The following CAPN1 variants were observed in gnomAD, a reference collection of about 807,000 sequenced individuals.
CAPN1 encodes the protein calpain-1 catalytic subunit.
A neutral mutation model predicts 105.2 loss-of-function variants in CAPN1; 77 were observed. The observed-to-expected ratio is 0.73, with a 90% CI of 0.61 to 0.88. The LOEUF is 0.88. Ranked by LOEUF, CAPN1 falls within the 40% of genes least tolerant of loss-of-function variation. The pLI, the probability that CAPN1 is intolerant of heterozygous loss-of-function variation, is 0.00. For synonymous variants in CAPN1, 355 were observed against 388.8 expected, an observed-to-expected ratio of 0.91 and a Z score of 1.02; for missense variants, 833 against 976.6, an observed-to-expected ratio of 0.85 and a Z score of 1.96.
At position 65,209,100 on chromosome 11, in the gene CAPN1, T is replaced by C; in HGVS notation, c.1730-223T>C. ...TCTTCTGTTTCACACTCATTTCTTT[T>C]TACTTTGGACTAATTGTGGCTGTTG... On this transcript the variant is annotated intron_variant, in intron 16 of 21. Transcript: ENST00000279247. This position sits in a 1 kb window ranked among gnomAD's most constrained non-coding sequence, Gnocchi z 4.1. 1.7e-6 allele frequency: 1 copy of C among 586,934 alleles called. No individual in the cohort carries two copies. Among genetic ancestry groups the C allele is most frequent in the Non-Finnish European group, 3.1e-6 (1 of 327,082 alleles). The allele number at this position is 586,934 out of a possible 1,614,324, so 36.4% of individuals were successfully genotyped here.
chr11:65,210,559 G>A lies in CAPN1; in HGVS notation c.2059+107G>A, dbSNP rs1949032791. Reference sequence around the variant, plus strand: ...GAATTAGCAGATACAGGCCAGTGCTGTGGGTGTGTGCCAGAGAGGCCTGGG... The same window carrying A: ...GAATTAGCAGATACAGGCCAGTGCTATGGGTGTGTGCCAGAGAGGCCTGGG... On this transcript the variant is annotated intron_variant, in intron 20 of 21. Transcript: ENST00000279247. This position sits in a 1 kb window ranked among gnomAD's most constrained non-coding sequence, Gnocchi z 4.3. 1.3e-6 allele frequency: 1 copy of A among 775,906 alleles called. No homozygotes were observed. Among genetic ancestry groups the A allele is most frequent in the Admixed American group, 2.0e-5 (1 of 49,208 alleles). 48.1% of individuals were successfully genotyped at this position (775,906 alleles called of 1,614,324 possible).
In CAPN1 at chr11:65,205,740, C is replaced by T. The variant is rs1196878216; in HGVS notation, c.1353+19C>T. ...TCCGGAGGTAGGTGTGGCACCATGA[C>T]CCACCTGCAGTCACACACCCCTGAT... On this transcript the variant is annotated intron_variant, in intron 12 of 21. Transcript: ENST00000279247. 1.9e-6 allele frequency: 3 copies of T among 1,612,356 alleles called. No individual in the cohort carries two copies. The highest frequency in any genetic ancestry group is 2.5e-6 in the Non-Finnish European group (3 of 1,178,478).
rs1425054148 is a variant in CAPN1, at chr11:65,208,070, G to A, written c.1621G>A (p.Glu541Lys). 2 of 1,601,766 alleles carry A rather than the reference G, an allele frequency of 1.2e-6. No individual in the cohort carries two copies. The highest frequency in any genetic ancestry group is 1.1e-5 in the South Asian group (1 of 88,686). ...NLPDEQVLSE[E>K]EIDENFKALF... ...CTCGGTCCAGCAAGTGCTCTCAGAA[G>A]AGGAGATTGACGAGAACTTCAAGGC... The change falls in exon 15 of 22, where the codon GAG becomes AAG. Residue 541 changes from glutamate (E) to lysine (K), a missense_variant. Physicochemically the swap from Glu to Lys is moderately conservative, Grantham distance 56. Transcript: ENST00000279247. The surrounding 1 kb of genome is among the most constrained non-coding windows in gnomAD (Gnocchi z 4.1).
chr11:65,197,525 T>G (rs1483843514), intron 10 of CAPN1, among the ~76,000 whole-genome samples: 2 of 152,190 alleles, frequency 1.3e-5, no homozygotes, highest in African/African-American at 4.8e-5. Flanking sequence ...ATGTCCAATC[T>G]TTCTATAGCC....
intron 12 of CAPN1, chr11:65,206,239 G>A: frequency 3.4e-6 from 2 of 591,918 alleles, no homozygotes; most frequent in South Asian, 2.0e-5. Context: ...GCAATCCGGT[G>A]CTCCTCTCCT....
chr11:65,209,145 A>G lies in CAPN1; in HGVS notation c.1730-178A>G, dbSNP rs1187554037. ...CTGTTGGGACTTTGGCTTGATTGCT[A>G]AAATACTTTACTTGTACTTCCTGAT... On this transcript the variant is annotated intron_variant, in intron 16 of 21. Coordinates refer to ENST00000279247, the MANE Select transcript of CAPN1 (RefSeq NM_005186.4). This position sits in a 1 kb window ranked among gnomAD's most constrained non-coding sequence, Gnocchi z 4.1. 1.6e-6 allele frequency: 1 copy of G among 611,666 alleles called. No individual in the cohort carries two copies. Among genetic ancestry groups the G allele is most frequent in the Non-Finnish European group, 3.0e-6 (1 of 337,534 alleles). The allele number at this position is 611,666 out of a possible 1,614,324, so 37.9% of individuals were successfully genotyped here.
chr11:65,209,276 G>C lies in CAPN1; in HGVS notation c.1730-47G>C. The stretch of plus-strand genomic sequence containing the variant: ...CCCAGTGCTCCCAGCAGGGGCAGGT[G>C]CAGGAAGCTCACTAGGTGGAGATGT... On this transcript the variant is annotated intron_variant, in intron 16 of 21. Transcript: ENST00000279247. This position sits in a 1 kb window ranked among gnomAD's most constrained non-coding sequence, Gnocchi z 4.1. The C allele has an allele frequency of 6.5e-7, 1 of 1,528,338 alleles. No homozygotes were observed. The highest frequency in any genetic ancestry group is 1.1e-5 in the South Asian group (1 of 87,596). The allele number at this position is 1,528,338 out of a possible 1,614,324, so 94.7% of individuals were successfully genotyped here.
rs552704303 is a variant in CAPN1, at chr11:65,188,521, C to T, written c.1004+33C>T. 6.2e-7 allele frequency: 1 copy of T among 1,612,762 alleles called. No homozygotes were observed. Among genetic ancestry groups the T allele is most frequent in the African/African-American group, 1.3e-5 (1 of 75,018 alleles). On this transcript the variant is annotated intron_variant, in intron 9 of 21. Transcript: ENST00000279247. This position sits in a 1 kb window ranked among gnomAD's most constrained non-coding sequence, Gnocchi z 5.5. Reference sequence around the variant, plus strand: ...CCCCCTCCCCTTCTACCCCACCTCTCCACCCCTACACATCAGCTCTGTGCC... The same window carrying T: ...CCCCCTCCCCTTCTACCCCACCTCTTCACCCCTACACATCAGCTCTGTGCC...
chr11:65,192,527 T>A (rs1170001526), intron 10 of CAPN1, among the ~76,000 whole-genome samples: 2 of 152,234 alleles, frequency 1.3e-5, no homozygotes, highest in Non-Finnish European at 2.9e-5. Context: ...GTATGAAGAT[T>A]AATGATATTC....
At chr11:65,187,907 A>G in intron 7 of CAPN1, 48 bp from the exon 8 acceptor site, 1 of 1,394,614 alleles carries the variant, frequency 7.2e-7, no homozygotes, top group Non-Finnish European at 9.9e-7. Flanking sequence ...AGAAAAAAAA[A>G]AAAAGTGCCT....
chr11:65,210,512 C>A lies in CAPN1; in HGVS notation c.2059+60C>A. Reference sequence around the variant, plus strand: ...CCGTCCCAAACGCGTCCCCCAGGAGCTGGGGGGAATGACAGATGGGTGAAT... The same window carrying A: ...CCGTCCCAAACGCGTCCCCCAGGAGATGGGGGGAATGACAGATGGGTGAAT... On this transcript the variant is annotated intron_variant, in intron 20 of 21. Coordinates refer to ENST00000279247, the MANE Select transcript of CAPN1 (RefSeq NM_005186.4). The surrounding 1 kb of genome is among the most constrained non-coding windows in gnomAD (Gnocchi z 4.3). 9.7e-7 allele frequency: 1 copy of A among 1,027,184 alleles called. No homozygotes were observed. Among genetic ancestry groups the A allele is most frequent in the Non-Finnish European group, 1.5e-6 (1 of 663,956 alleles). 63.6% of individuals were successfully genotyped at this position (1,027,184 alleles called of 1,614,324 possible).
At position 65,210,431 on chromosome 11, in the gene CAPN1, G is replaced by T; in HGVS notation, c.2038G>T (p.Val680Leu). The T allele has an allele frequency of 6.2e-7, 1 of 1,611,114 alleles. No individual in the cohort carries two copies. Among genetic ancestry groups the T allele is most frequent in the South Asian group, 1.1e-5 (1 of 90,748 alleles). The change falls in exon 20 of 22, where the codon GTG becomes TTG. Residue 680 changes from valine to leucine, a missense_variant. By Grantham distance (32) the Val-to-Leu change is conservative. Coordinates refer to ENST00000279247, the MANE Select transcript of CAPN1 (RefSeq NM_005186.4). This position sits in a 1 kb window ranked among gnomAD's most constrained non-coding sequence, Gnocchi z 4.3. Reference sequence around the variant, plus strand: ...CTTTGACAATTTCGTTTGCTGCCTGGTGCGGCTAGAGACCATGTTCCGTGA... The same window carrying T: ...CTTTGACAATTTCGTTTGCTGCCTGTTGCGGCTAGAGACCATGTTCCGTGA... Reference protein sequence around the residue: ...VDFDNFVCCLVRLETMFRFFK... With the variant: ...VDFDNFVCCLLRLETMFRFFK...
chr11:65,209,651 C>T lies in CAPN1; in HGVS notation c.1795-198C>T, dbSNP rs1009785302. ...GGCTGGTGCTATTTCTGACCCCTCC[C>T]CAGCCCACTCCACTGCAGCCCAGCT... On this transcript the variant is annotated intron_variant, in intron 17 of 21. Coordinates refer to ENST00000279247, the MANE Select transcript of CAPN1 (RefSeq NM_005186.4). The surrounding 1 kb of genome is among the most constrained non-coding windows in gnomAD (Gnocchi z 4.1). 17 of 648,980 alleles carry T rather than the reference C, an allele frequency of 2.6e-5. No homozygotes were observed. The East Asian group carries it at 4.6e-4, about 18-fold the overall frequency. The allele number at this position is 648,980 out of a possible 1,614,324, so 40.2% of individuals were successfully genotyped here. A position where few individuals can be genotyped will look rare whatever the true frequency, so the allele number is the denominator to read the frequency against.
At chr11:65,200,845 C>T (rs969513774) in intron 10 of CAPN1, among the ~76,000 whole-genome samples, 9 of 145,660 alleles carry the variant, frequency 6.2e-5, no homozygotes, top group Non-Finnish European at 1.2e-4. Flanking sequence ...GTTGGCTAGG[C>T]TGGTGTTGAA....
intron 7 of CAPN1, 56 bp from the exon 8 acceptor site, chr11:65,187,898 GA>G (rs111241548): frequency 0.051 from 51,475 of 1,017,210 alleles, 341 homozygotes; most frequent in African/African-American, 0.14. Flanking sequence ...TCTCAAAAAA[GA>G]AAAAAAAAAA....
intron 14 of CAPN1, 62 bp from the exon 15 acceptor site, chr11:65,207,993 G>C: frequency 1.5e-6 from 2 of 1,312,422 alleles, no homozygotes; most frequent in Non-Finnish European, 1.1e-6. Context: ...CCTCCCTCCA[G>C]CTGCCTCCAC....
chr11:65,206,947 T>C lies in CAPN1; in HGVS notation c.1605+128T>C, dbSNP rs551406058. On this transcript the variant is annotated intron_variant, in intron 14 of 21. Coordinates refer to ENST00000279247, the MANE Select transcript of CAPN1 (RefSeq NM_005186.4). Reference sequence around the variant, plus strand: ...GAAGATCCCCTCCTGGTGGAAGCCATAGGAGTAGTGCTAATCCCTCATCCG... The same window carrying C: ...GAAGATCCCCTCCTGGTGGAAGCCACAGGAGTAGTGCTAATCCCTCATCCG... 9.0e-4 allele frequency: 752 copies of C among 839,762 alleles called. 1 individual carries two copies. The highest frequency in any genetic ancestry group is 1.2e-3 in the Non-Finnish European group (661 of 536,346). 52.0% of individuals were successfully genotyped at this position (839,762 alleles called of 1,614,324 possible).
intron 10 of CAPN1, among the ~76,000 whole-genome samples, chr11:65,193,637 T>C (rs1948750318): frequency 8.1e-6 from 1 of 124,080 alleles, no homozygotes; most frequent in Non-Finnish European, 1.8e-5. Flanking sequence ...AGAGCGAGAC[T>C]CTGTCTCAAA....
At position 65,204,784 on chromosome 11, in the gene CAPN1, C is replaced by T; in HGVS notation, c.1267C>T (p.Leu423Phe). Residue 423 changes from leucine (L) to phenylalanine (F), a missense_variant, in exon 11 of 22, where the codon CTT becomes TTT. By Grantham distance (22) the Leu-to-Phe change is conservative. Transcript: ENST00000279247. ...RESGCSFVLALMQKHRRRERR... is the reference protein window; with the variant it reads ...RESGCSFVLAFMQKHRRRERR... Reference sequence around the variant, plus strand: ...GTCAGGCTGCAGCTTCGTGCTCGCCCTTATGCAGAAGCACCGTCGCCGCGA... The same window carrying T: ...GTCAGGCTGCAGCTTCGTGCTCGCCTTTATGCAGAAGCACCGTCGCCGCGA... 1 of 1,613,038 alleles carries T rather than the reference C, an allele frequency of 6.2e-7. No individual in the cohort carries two copies. Among genetic ancestry groups the T allele is most frequent in the Non-Finnish European group, 8.5e-7 (1 of 1,179,790 alleles).
Sources: allele counts gnomAD v4.1 joint callset (sites outside exome capture counted in the v4.1 genomes callset), GRCh38; gene constraint gnomAD v4.1.1; non-coding constraint Gnocchi (gnomAD v3.1); transcripts MANE v1.5; gene names NCBI Gene and HGNC (gene_info 2026-07-23, HGNC 2026-07-21).